The following RABGAP1L variants were observed in gnomAD, a reference collection of about 807,000 sequenced individuals.
RABGAP1L encodes RAB GTPase activating protein 1 like.
RABGAP1L carries 63 observed loss-of-function variants against 137.7 expected under a neutral mutation model. That is an observed-to-expected ratio of 0.46 (90% confidence interval 0.37 to 0.56). The LOEUF is 0.56. RABGAP1L is among the 20% of genes least tolerant of loss of function. The pLI is 0.00. For missense variants in RABGAP1L, 1,095 were observed against 1,244.0 expected, an observed-to-expected ratio of 0.88 and a Z score of 1.80; for synonymous variants, 431 against 433.7, an observed-to-expected ratio of 0.99 and a Z score of 0.08.
intron 13 of RABGAP1L, among the ~76,000 whole-genome samples, chr1:174,597,497 G>T (rs531949774): frequency 3.4e-4 from 52 of 151,946 alleles, no homozygotes; most frequent in African/African-American, 1.1e-3. Context: ...TGATTTATTG[G>T]CATATGGTTG....
At chr1:174,479,543 C>G (rs908650649) in intron 13 of RABGAP1L, among the ~76,000 whole-genome samples, 1 of 152,152 alleles carries the variant, frequency 6.6e-6, no homozygotes, top group East Asian at 1.9e-4. Flanking sequence ...TTCATGGTCC[C>G]TTCTGGAATG....
At chr1:174,983,766 A>G (rs1671338293) in intron 24 of RABGAP1L, among the ~76,000 whole-genome samples, 1 of 152,212 alleles carries the variant, frequency 6.6e-6, no homozygotes, top group Non-Finnish European at 1.5e-5. Flanking sequence ...AAGTGCTTAT[A>G]TTAGTACCTG....
chr1:174,525,269 A>T (rs1253746188), intron 13 of RABGAP1L, among the ~76,000 whole-genome samples: 1 of 152,106 alleles, frequency 6.6e-6, no homozygotes, highest in Non-Finnish European at 1.5e-5. Context: ...ATTCTGATCC[A>T]TGAGCATGGG....
chr1:174,223,442 C>CAAAAA (rs370743713), intron 3 of RABGAP1L, among the ~76,000 whole-genome samples: 2 of 53,350 alleles, frequency 3.7e-5, no homozygotes, highest in Non-Finnish European at 7.4e-5. Context: ...GACTCCATCT[C>CAAAAA]AAAAAAAAAA....
At chr1:174,444,883 A>G (rs527329693) in intron 13 of RABGAP1L, among the ~76,000 whole-genome samples, 2 of 152,128 alleles carry the variant, frequency 1.3e-5, no homozygotes, top group African/African-American at 2.4e-5. Context: ...CAAAAAATCA[A>G]GTTTTTGTTT....
intron 19 of RABGAP1L, chr1:174,877,729 G>T: frequency 1.0e-6 from 1 of 953,406 alleles, no homozygotes; most frequent in Non-Finnish European, 1.6e-6. Flanking sequence ...GGTTTTCAAA[G>T]ATTTATTTAC....
intron 13 of RABGAP1L, among the ~76,000 whole-genome samples, chr1:174,553,130 G>A (rs757376461): frequency 6.6e-6 from 1 of 151,938 alleles, no homozygotes; most frequent in Non-Finnish European, 1.5e-5. Context: ...GATATTAGAC[G>A]TTTGTCAGAT....
intron 19 of RABGAP1L, chr1:174,892,977 C>G: frequency 5.7e-6 from 1 of 174,656 alleles, no homozygotes; most frequent in Non-Finnish European, 1.2e-5. Flanking sequence ...AACTCTTGAC[C>G]TCATGTGGTC....
chr1:174,692,532 A>G (rs986630863), intron 15 of RABGAP1L, among the ~76,000 whole-genome samples: 2 of 152,140 alleles, frequency 1.3e-5, no homozygotes, highest in African/African-American at 4.8e-5. Context: ...AAGCATGGGG[A>G]GGAGGAGGGG....
chr1:174,500,695 C>G (rs1661178103), intron 13 of RABGAP1L, among the ~76,000 whole-genome samples: 1 of 152,158 alleles, frequency 6.6e-6, no homozygotes, highest in Non-Finnish European at 1.5e-5. Context: ...CTCCCATACA[C>G]TCATTTAATG....
intron 13 of RABGAP1L, among the ~76,000 whole-genome samples, chr1:174,530,746 T>G (rs1489839441): frequency 6.6e-6 from 1 of 152,182 alleles, no homozygotes; most frequent in Admixed American, 6.5e-5. Flanking sequence ...ATTTTGGTTC[T>G]TCTTAGTGGA....
intron 13 of RABGAP1L, among the ~76,000 whole-genome samples, chr1:174,510,536 T>C (rs1160297639): frequency 6.6e-6 from 1 of 152,202 alleles, no homozygotes; most frequent in Non-Finnish European, 1.5e-5. Context: ...GTGAATTATA[T>C]TACTTCTAAT....
At chr1:174,915,425 T>G (rs998039615) in intron 19 of RABGAP1L, among the ~76,000 whole-genome samples, 1 of 152,084 alleles carries the variant, frequency 6.6e-6, no homozygotes, top group Admixed American at 6.6e-5. Context: ...CTTTATATAT[T>G]TTCTTTGGTA....
At chr1:174,308,652 T>A (rs1678531282) in intron 11 of RABGAP1L, among the ~76,000 whole-genome samples, 1 of 152,148 alleles carries the variant, frequency 6.6e-6, no homozygotes, top group Non-Finnish European at 1.5e-5. Context: ...CCCCATTGTA[T>A]GTTCTTGGCA....
At chr1:174,272,915 T>C (rs1355824595) in intron 8 of RABGAP1L, among the ~76,000 whole-genome samples, 2 of 152,008 alleles carry the variant, frequency 1.3e-5, no homozygotes, top group Non-Finnish European at 2.9e-5. Flanking sequence ...TGATTACCTG[T>C]CCTTAGCAAA....
Position 174,913,061 on chromosome 1 carries a change from C to T in RABGAP1L, c.2341-44396C>T, listed in dbSNP as rs146312764. 1.2e-4 allele frequency among the ~76,000 whole-genome samples: 18 copies of T among 152,052 alleles called. No individual in the cohort carries two copies. The East Asian group carries it at 2.1e-3, about 18-fold the overall frequency. ...CACAATCTCAGCTCACTGCAGCCTC[C>T]GCCTCCAAGGTTCAAGCAATTCTTC... is the stretch of plus-strand genomic sequence containing the variant. On this transcript the variant is annotated intron_variant, in intron 19 of 25. Coordinates refer to ENST00000681986, the MANE Select transcript of RABGAP1L (RefSeq NM_001366446.1).
intron 13 of RABGAP1L, among the ~76,000 whole-genome samples, chr1:174,624,209 A>G (rs762572831): frequency 6.6e-6 from 1 of 152,182 alleles, no homozygotes; most frequent in African/African-American, 2.4e-5. Flanking sequence ...ATATTCACTC[A>G]TGATCTGTAG....
intron 15 of RABGAP1L, among the ~76,000 whole-genome samples, chr1:174,685,468 T>C (rs944795202): frequency 1.6e-4 from 24 of 152,124 alleles, no homozygotes; most frequent in African/African-American, 5.8e-4. Context: ...TTAGCCAGGA[T>C]GGTCTTGATC....
Position 174,576,398 on chromosome 1 carries a change from A to T in RABGAP1L, c.1711-60977A>T, listed in dbSNP as rs186015955. Among the ~76,000 whole-genome samples the T allele has an allele frequency of 8.4e-4, 128 of 152,280 alleles. 1 individual carries two copies. The highest frequency in any genetic ancestry group is 2.6e-4 in the Non-Finnish European group (18 of 68,038). ...AGGGTCACATTCCATTCCCAGAGCT[A>T]TGAACATCTGCTTTTCTGGGATAGG... On this transcript the variant is annotated intron_variant, in intron 13 of 25. Coordinates refer to ENST00000681986, the MANE Select transcript of RABGAP1L (RefSeq NM_001366446.1).
Sources: gnomAD v4.1 joint callset for allele counts (sites outside exome capture counted in the v4.1 genomes callset) on GRCh38, gnomAD v4.1.1 for gene constraint, MANE v1.5 for transcripts, NCBI Gene and HGNC (gene_info 2026-07-23, HGNC 2026-07-21) for gene names.